Variants in KCNIP3 observed in about 807,000 individuals in gnomAD.
The protein encoded by KCNIP3 is calsenilin.
In KCNIP3, 28 loss-of-function variants were observed where a neutral mutation model predicts 35.0. The observed-to-expected ratio is 0.80, with a 90% CI of 0.59 to 1.10. The LOEUF (loss-of-function observed/expected upper bound fraction) is 1.10, where lower values mean the gene tolerates loss of function less well. KCNIP3 is among the 50% of genes least tolerant of loss of function. The pLI is 0.00. For synonymous variants in KCNIP3, 134 were observed against 133.8 expected (o/e 1.00, Z -0.01); for missense variants, 295 against 338.4 (o/e 0.87, Z 1.01).
chr2:95,324,455 A>G (rs1332748913), intron 2 of KCNIP3, among the ~76,000 whole-genome samples: 1 of 151,868 alleles, frequency 6.6e-6, no homozygotes, highest in Non-Finnish European at 1.5e-5. Flanking sequence ...CGGAGCTTGC[A>G]GTAAGCGAGA....
At chr2:95,353,080 G>C (rs1679568192) in intron 2 of KCNIP3, among the ~76,000 whole-genome samples, 2 of 152,216 alleles carry the variant, frequency 1.3e-5, no homozygotes, top group South Asian at 4.1e-4. Flanking sequence ...GTGTGTGTTG[G>C]GGTGGGGGGC....
intron 2 of KCNIP3, among the ~76,000 whole-genome samples, chr2:95,315,411 G>C (rs753349163): frequency 6.6e-6 from 1 of 152,180 alleles, no homozygotes; most frequent in Non-Finnish European, 1.5e-5. Flanking sequence ...CCACCTGATC[G>C]TCCAGTGCCT....
chr2:95,353,325 G>T (rs185143466), intron 2 of KCNIP3, among the ~76,000 whole-genome samples: 1 of 152,202 alleles, frequency 6.6e-6, no homozygotes, highest in Non-Finnish European at 1.5e-5. Flanking sequence ...GCCCCTCATC[G>T]GATGTGGCTG....
At chr2:95,333,774 A>G (rs147273937) in intron 2 of KCNIP3, among the ~76,000 whole-genome samples, 74 of 152,312 alleles carry the variant, frequency 4.9e-4, no homozygotes, top group Non-Finnish European at 8.8e-4. Context: ...AGAGGGCATG[A>G]TGGGTGGCTG....
chr2:95,319,307 A>T (rs1210325253), intron 2 of KCNIP3, among the ~76,000 whole-genome samples: 1 of 152,202 alleles, frequency 6.6e-6, no homozygotes, highest in Non-Finnish European at 1.5e-5. Context: ...CGGAGAGCCC[A>T]GGGTTCCTGG....
At position 95,352,440 on chromosome 2, in the gene KCNIP3, TGCTGACGA is replaced by T. The variant is rs1679550764; in HGVS notation, c.182-21851_182-21844del. Among the ~76,000 whole-genome samples the T allele has an allele frequency of 1.3e-5, 2 of 152,080 alleles. 1 individual carries two copies. The highest frequency in any genetic ancestry group is 4.1e-4 in the South Asian group (2 of 4,828). ...CGGGAGTGACCCTGGGGTCAGAGGC[TGCTGACGA>T]GCTGGTTGTGGACCCCGAATATCCA... On this transcript the variant is annotated intron_variant, in intron 2 of 8. Coordinates refer to ENST00000295225, the MANE Select transcript of KCNIP3 (RefSeq NM_013434.5).
Position 95,321,838 on chromosome 2 carries a change from G to A in KCNIP3, c.181+11318G>A, listed in dbSNP as rs1678605804. Among the ~76,000 whole-genome samples, 3 of 152,170 alleles carry A rather than the reference G, an allele frequency of 2.0e-5. 1 individual carries two copies. The South Asian group carries it at 6.2e-4, about 32-fold the overall frequency. On this transcript the variant is annotated intron_variant, in intron 2 of 8. Transcript: ENST00000295225. ...CTGTAACTGTGTTACAGGCCTGGAA[G>A]ACATCGGAGCCCTAATCAATCGTGC...
At chr2:95,298,550 T>G (rs1272699912) in intron 1 of KCNIP3, 1 of 152,154 alleles carries the variant, frequency 6.6e-6, no homozygotes, top group African/African-American at 2.4e-5. Context: ...CCTCAGCGTC[T>G]CTGCCCTGAA....
intron 2 of KCNIP3, among the ~76,000 whole-genome samples, chr2:95,342,533 C>T (rs1449891375): frequency 1.3e-5 from 2 of 152,268 alleles, no homozygotes; most frequent in African/African-American, 4.8e-5. Flanking sequence ...CCACAGTTGG[C>T]GGATTGATTG....
intron 2 of KCNIP3, among the ~76,000 whole-genome samples, chr2:95,365,929 T>C (rs915374061): frequency 2.0e-5 from 3 of 152,202 alleles, no homozygotes; most frequent in Non-Finnish European, 2.9e-5. Flanking sequence ...ATGTAACCAT[T>C]ACCACAATCA....
intron 2 of KCNIP3, among the ~76,000 whole-genome samples, chr2:95,373,725 T>A (rs1680098520): frequency 6.6e-6 from 1 of 152,118 alleles, no homozygotes; most frequent in Admixed American, 6.5e-5. Context: ...GCCAAGTTTG[T>A]GTATTGTTTT....
Position 95,347,098 on chromosome 2 carries a change from A to C in KCNIP3, c.182-27198A>C. 1.9e-6 allele frequency: 3 copies of C among 1,611,410 alleles called. No individual in the cohort carries two copies. The South Asian group carries it at 3.3e-5, about 18-fold the overall frequency. ...CATCGCCGTCCTCAAGCAGTTCGGC[A>C]TCCTGGAGCCCATATCCATGGAAGG... On this transcript the variant is annotated intron_variant, in intron 2 of 8. Coordinates refer to ENST00000295225, the MANE Select transcript of KCNIP3 (RefSeq NM_013434.5).
At chr2:95,370,786 A>G (rs1353123129) in intron 2 of KCNIP3, among the ~76,000 whole-genome samples, 1 of 151,566 alleles carries the variant, frequency 6.6e-6, no homozygotes. Flanking sequence ...TTTGAGACGA[A>G]GTTTTGCTCT....
rs115236172 is a variant in KCNIP3, at chr2:95,332,762, G to A, written c.181+22242G>A. Among the ~76,000 whole-genome samples the A allele has an allele frequency of 6.7e-3, 1,018 of 152,248 alleles. 17 individuals carry two copies. The highest frequency in any genetic ancestry group is 0.023 in the African/African-American group (949 of 41,528). ...TACTATACACCCTTTATATTTTCAA[G>A]ACAACATGGGGGTGGTGAAGAGCCC... On this transcript the variant is annotated intron_variant, in intron 2 of 8. Transcript: ENST00000295225.
At chr2:95,379,109 A>G (rs1680275100) in intron 5 of KCNIP3, among the ~76,000 whole-genome samples, 2 of 151,550 alleles carry the variant, frequency 1.3e-5, no homozygotes, top group South Asian at 4.2e-4. Flanking sequence ...TCAGACATAC[A>G]ACGTTCCCGT....
chr2:95,321,848 C>A (rs1383078966), intron 2 of KCNIP3, among the ~76,000 whole-genome samples: 1 of 152,094 alleles, frequency 6.6e-6, no homozygotes, highest in East Asian at 1.9e-4. Flanking sequence ...GACATCGGAG[C>A]CCTAATCAAT....
rs568958574 is a variant in KCNIP3 at position 95,325,882 on chromosome 2, TACAC to T, written c.181+15367_181+15370del. Among the ~76,000 whole-genome samples the T allele has an allele frequency of 5.7e-4, 75 of 132,596 alleles. 1 individual carries two copies. The highest frequency in any genetic ancestry group is 1.8e-3 in the African/African-American group (63 of 34,624). 87.0% of individuals were successfully genotyped at this position (132,596 alleles called of 152,430 possible). A position where few individuals can be genotyped will look rare whatever the true frequency, so the allele number is the denominator to read the frequency against. On this transcript the variant is annotated intron_variant, in intron 2 of 8. Transcript: ENST00000295225. ...TCACAGGCACACATACACTCAGACA[TACAC>T]ACACTCATAGACACACATTCACTCA...
chr2:95,362,423 A>C (rs1679822117), intron 2 of KCNIP3, among the ~76,000 whole-genome samples: 1 of 151,968 alleles, frequency 6.6e-6, no homozygotes, highest in African/African-American at 2.4e-5. Flanking sequence ...CTCTTCATAT[A>C]AGGCTACCAA....
intron 2 of KCNIP3, among the ~76,000 whole-genome samples, chr2:95,341,128 T>A (rs1214565278): frequency 6.6e-6 from 1 of 151,900 alleles, no homozygotes; most frequent in African/African-American, 2.4e-5. Flanking sequence ...CCGTGAGAGG[T>A]GACTGGATCA....
Sources: allele counts gnomAD v4.1 joint callset (sites outside exome capture counted in the v4.1 genomes callset), GRCh38; gene constraint gnomAD v4.1.1; transcripts MANE v1.5; gene names NCBI Gene and HGNC (gene_info 2026-07-23, HGNC 2026-07-21).